The following IQCM variants were observed in gnomAD, a reference collection of about 807,000 sequenced individuals.
IQCM encodes the protein IQ motif containing M, also known as IQ domain-containing protein M.
In IQCM, 45 loss-of-function variants were observed where a neutral mutation model predicts 57.6. The observed-to-expected ratio is 0.78, with a 90% CI of 0.62 to 1.00. IQCM has a LOEUF of 1.00. Ranked by LOEUF, IQCM falls within the 50% of genes least tolerant of loss-of-function variation. IQCM has a pLI of 0.00. For synonymous variants in IQCM, 148 were observed against 158.9 expected, an observed-to-expected ratio of 0.93 and a Z score of 0.51; for missense variants, 468 against 511.6, an observed-to-expected ratio of 0.91 and a Z score of 0.82.
At chr4:149,731,479 C>T (rs1411508270) in intron 5 of IQCM, among the ~76,000 whole-genome samples, 1 of 152,160 alleles carries the variant, frequency 6.6e-6, no homozygotes, top group Non-Finnish European at 1.5e-5. Context: ...ATTATTCAGG[C>T]ATTTTGTTAT....
chr4:149,629,962 T>C (rs968718013), intron 7 of IQCM, among the ~76,000 whole-genome samples: 3 of 136,860 alleles, frequency 2.2e-5, no homozygotes, highest in Admixed American at 1.5e-4. Context: ...CAATGGCACC[T>C]TTTTGGGAGC....
intron 13 of IQCM, among the ~76,000 whole-genome samples, chr4:149,391,302 C>A (rs1344592007): frequency 6.6e-6 from 1 of 151,762 alleles, no homozygotes; most frequent in Non-Finnish European, 1.5e-5. Context: ...TTATAGTATT[C>A]TTTTATTATT....
At chr4:149,419,062 T>C (rs1011071347) in intron 13 of IQCM, among the ~76,000 whole-genome samples, 17 of 152,172 alleles carry the variant, frequency 1.1e-4, no homozygotes, top group African/African-American at 4.1e-4. Flanking sequence ...GTGGCCATAC[T>C]GCCCAAAGTA....
chr4:149,555,917 G>A (rs998706551), intron 10 of IQCM, among the ~76,000 whole-genome samples: 6 of 152,140 alleles, frequency 3.9e-5, no homozygotes, highest in African/African-American at 7.2e-5. Flanking sequence ...TCAGATCTCA[G>A]GCATTTGGAA....
intron 13 of IQCM, among the ~76,000 whole-genome samples, chr4:149,372,297 T>C (rs928743065): frequency 6.6e-6 from 1 of 152,198 alleles, no homozygotes; most frequent in Non-Finnish European, 1.5e-5. Context: ...AGTTGTACTA[T>C]TGTTTATGAA....
chr4:149,735,947 CTTTT>C (rs142987177), intron 3 of IQCM, among the ~76,000 whole-genome samples: 2 of 139,868 alleles, frequency 1.4e-5, no homozygotes, highest in Non-Finnish European at 1.6e-5. Context: ...TTTCTTTCGA[CTTTT>C]TTTTTTTTTT....
intron 2 of IQCM, among the ~76,000 whole-genome samples, chr4:149,788,370 T>C (rs1324953139): frequency 1.3e-5 from 2 of 152,020 alleles, no homozygotes; most frequent in Admixed American, 1.3e-4. Flanking sequence ...AACATACAAA[T>C]GACCAGAAGG....
chr4:149,707,185 T>A (rs1764222110), intron 5 of IQCM, among the ~76,000 whole-genome samples: 1 of 152,014 alleles, frequency 6.6e-6, no homozygotes, highest in African/African-American at 2.4e-5. Flanking sequence ...AACTGGCTAA[T>A]GGTAGTAGCA....
chr4:149,602,241 C>T (rs12646103), intron 8 of IQCM, among the ~76,000 whole-genome samples: 21,152 of 151,738 alleles, frequency 0.14, 1,870 homozygotes, highest in East Asian at 0.28. Flanking sequence ...AAATAGTATG[C>T]CACTTTACAT....
chr4:149,626,397 A>ATATATATATATATATATATATATATATG, intron 7 of IQCM, among the ~76,000 whole-genome samples: 1 of 120,134 alleles, frequency 8.3e-6, no homozygotes, highest in Non-Finnish European at 1.8e-5. Flanking sequence ...ATAAACATAT[A>ATATATATATATATATATATATATATATG]TATATATAAG....
chr4:149,727,931 C>T (rs1274537974), intron 5 of IQCM, among the ~76,000 whole-genome samples: 2 of 152,166 alleles, frequency 1.3e-5, no homozygotes, highest in African/African-American at 4.8e-5. Flanking sequence ...TTCCCAACTC[C>T]TGTAATCAGT....
intron 2 of IQCM, among the ~76,000 whole-genome samples, chr4:149,759,442 T>C (rs1425817596): frequency 6.6e-6 from 1 of 152,144 alleles, no homozygotes; most frequent in Non-Finnish European, 1.5e-5. Context: ...GGGTCATCAA[T>C]TGTAACAAAT....
intron 11 of IQCM, among the ~76,000 whole-genome samples, chr4:149,549,525 A>G (rs556497745): frequency 2.6e-5 from 4 of 152,366 alleles, no homozygotes; most frequent in African/African-American, 7.2e-5. Flanking sequence ...CTCAAAAAAA[A>G]AGAAAATTGA....
chr4:149,571,753 T>A (rs140236810), intron 9 of IQCM, among the ~76,000 whole-genome samples: 1 of 152,204 alleles, frequency 6.6e-6, no homozygotes, highest in African/African-American at 2.4e-5. Context: ...AATAAATACA[T>A]ACAATTTTGT....
At chr4:149,416,493 C>A (rs1257024764) in intron 13 of IQCM, among the ~76,000 whole-genome samples, 2 of 152,100 alleles carry the variant, frequency 1.3e-5, no homozygotes, top group Admixed American at 6.6e-5. Flanking sequence ...TTAGAATCTC[C>A]TGAGTAGCCT....
intron 2 of IQCM, among the ~76,000 whole-genome samples, chr4:149,763,995 T>TA (rs1280525672): frequency 9.2e-5 from 14 of 151,964 alleles, no homozygotes; most frequent in Admixed American, 8.5e-4. Flanking sequence ...AAATAAAAAA[T>TA]AAAAAATCCT....
chr4:149,598,986 C>T (rs1754024459), intron 8 of IQCM, among the ~76,000 whole-genome samples: 1 of 151,956 alleles, frequency 6.6e-6, no homozygotes, highest in South Asian at 2.1e-4. Context: ...TGCCCATCTG[C>T]CCCCAAGACT....
intron 2 of IQCM, among the ~76,000 whole-genome samples, chr4:149,784,705 C>A (rs534583999): frequency 1.3e-5 from 2 of 152,278 alleles, no homozygotes; most frequent in Admixed American, 1.3e-4. Flanking sequence ...TGAGCCACCG[C>A]GCCCGGCCTG....
At chr4:149,399,244 T>A (rs1481235704) in intron 13 of IQCM, among the ~76,000 whole-genome samples, 2 of 151,984 alleles carry the variant, frequency 1.3e-5, no homozygotes, top group Non-Finnish European at 2.9e-5. Context: ...CTTAGTGAGG[T>A]CTTTTCACAC....
Sources: allele counts gnomAD v4.1 joint callset (sites outside exome capture counted in the v4.1 genomes callset), GRCh38; gene constraint gnomAD v4.1.1; transcripts MANE v1.5; gene names NCBI Gene and HGNC (gene_info 2026-07-23, HGNC 2026-07-21).